The following PFKFB1 variants were observed in gnomAD, a reference collection of about 807,000 sequenced individuals.
PFKFB1 encodes 6-phosphofructo-2-kinase/fructose-2,6-bisphosphatase 1.
In PFKFB1, 34 loss-of-function variants were observed where a neutral mutation model predicts 46.4. The observed-to-expected ratio is 0.73, with a 90% confidence interval of 0.56 to 0.98. The LOEUF (loss-of-function observed/expected upper bound fraction) is 0.98. Among genes scored for constraint, PFKFB1 ranks in the 50% least tolerant of loss-of-function variants. The pLI, the probability that PFKFB1 is intolerant of heterozygous loss-of-function variation, is 0.00. For missense variants in PFKFB1, 393 were observed against 376.3 expected (o/e 1.04, Z -0.37); for synonymous variants, 119 against 133.8 (o/e 0.89, Z 0.76).
chrX:54,938,934 C>T (rs1410580663), intron 10 of PFKFB1, among the ~76,000 whole-genome samples: 8 of 111,833 alleles, frequency 7.2e-5, no homozygotes, highest in Non-Finnish European at 1.3e-4. Context: ...CAATAGAATA[C>T]ACATTCTTCT....
Position 54,958,377 on chromosome X carries a change from G to C in PFKFB1, c.460-15C>G. ...ATGAAAAACACCTATAAAAGAAACA[G>C]AAAAGAGATTTCCAGCAGGAAATTA... is the stretch of plus-strand genomic sequence containing the variant. On this transcript the variant is annotated splice_polypyrimidine_tract_variant and intron_variant, in intron 5 of 13. Coordinates refer to ENST00000375006, the MANE Select transcript of PFKFB1 (RefSeq NM_002625.4). The C allele has an allele frequency of 2.7e-6, 3 of 1,094,010 alleles. No individual in the cohort carries two copies. Among genetic ancestry groups the C allele is most frequent in the Non-Finnish European group, 3.8e-6 (3 of 791,233 alleles). 90.2% of individuals were successfully genotyped at this position (1,094,010 alleles called of 1,213,427 possible).
chrX:54,937,660 A>G lies in PFKFB1; in HGVS notation c.1163T>C (p.Val388Ala). 14 of 1,207,040 alleles carry G rather than the reference A, an allele frequency of 1.2e-5. No individual in the cohort carries two copies. Among genetic ancestry groups the G allele is most frequent in the South Asian group, 1.8e-5 (1 of 56,801 alleles). ...VIMELERQEN[V>A]LVICHQAVMR... ...GACAGCCTGGTGGCAGATCACCAGT[A>G]CATTCTCCTGTCGTTCTAGCTCCAT... Residue 388 changes from valine to alanine, a missense_variant, in exon 11 of 14, where the codon GTA (valine) becomes GCA (alanine). By Grantham distance (64) the Val-to-Ala change is moderately conservative. Coordinates refer to ENST00000375006, the MANE Select transcript of PFKFB1 (RefSeq NM_002625.4).
At chrX:54,975,673 C>A (rs947767211) in intron 1 of PFKFB1, among the ~76,000 whole-genome samples, 7 of 111,172 alleles carry the variant, frequency 6.3e-5, no homozygotes, top group Non-Finnish European at 1.3e-4. Context: ...CTGAACTTTA[C>A]TACATGATTT....
chrX:54,972,098 C>A (rs1461581061), intron 1 of PFKFB1, among the ~76,000 whole-genome samples: 3 of 110,555 alleles, frequency 2.7e-5, no homozygotes, highest in African/African-American at 9.8e-5. Flanking sequence ...CTCTTTGAAG[C>A]AATTGTGAAT....
intron 1 of PFKFB1, among the ~76,000 whole-genome samples, chrX:54,987,853 A>G (rs1308311060): frequency 9.0e-6 from 1 of 111,362 alleles, no homozygotes; most frequent in African/African-American, 3.2e-5. Flanking sequence ...ACACCAATGA[A>G]AAACCCACAG....
chrX:54,950,740 C>A (rs1933945950), intron 8 of PFKFB1, among the ~76,000 whole-genome samples: 1 of 112,196 alleles, frequency 8.9e-6, no homozygotes, highest in Non-Finnish European at 1.9e-5. Flanking sequence ...ATGAGGGAGT[C>A]ACAGGTCAGC....
intron 10 of PFKFB1, among the ~76,000 whole-genome samples, chrX:54,944,760 T>C (rs184689240): frequency 1.8e-5 from 2 of 112,407 alleles, no homozygotes; most frequent in Admixed American, 1.9e-4. Context: ...CAAATTAAGA[T>C]GAATTTTATA....
intron 1 of PFKFB1, among the ~76,000 whole-genome samples, chrX:54,971,206 T>G (rs1401466259): frequency 1.5e-5 from 1 of 64,550 alleles, no homozygotes; most frequent in Non-Finnish European, 2.9e-5. Flanking sequence ...CTTGTCGATT[T>G]GTTTGAGTTC....
chrX:54,979,228 T>C (rs927947543), intron 1 of PFKFB1, among the ~76,000 whole-genome samples: 1 of 111,695 alleles, frequency 9.0e-6, no homozygotes, highest in South Asian at 3.7e-4. Context: ...ACTTAGGTAG[T>C]AGCCATTCAC....
intron 1 of PFKFB1, among the ~76,000 whole-genome samples, chrX:54,974,279 G>A (rs769769706): frequency 2.0e-4 from 22 of 111,781 alleles, no homozygotes; most frequent in African/African-American, 5.5e-4. Flanking sequence ...AACAAAATTC[G>A]GAACCCAGAA....
At chrX:54,941,136 T>C (rs1361745072) in intron 10 of PFKFB1, among the ~76,000 whole-genome samples, 3 of 111,977 alleles carry the variant, frequency 2.7e-5, no homozygotes, top group Non-Finnish European at 5.6e-5. Flanking sequence ...AAACAAGCAA[T>C]GGGGAAAGGC....
chrX:54,941,436 AC>A (rs777095515), intron 10 of PFKFB1, among the ~76,000 whole-genome samples: 60 of 112,332 alleles, frequency 5.3e-4, no homozygotes, highest in African/African-American at 1.9e-3. Flanking sequence ...AAAAGAAACT[AC>A]CATCAGAGTG....
chrX:54,991,415 G>A (rs755111305), intron 1 of PFKFB1, among the ~76,000 whole-genome samples: 2 of 110,934 alleles, frequency 1.8e-5, no homozygotes, highest in African/African-American at 3.3e-5. Context: ...GTGATATACC[G>A]TGTTTAGGGA....
chrX:54,998,587 G>T, upstream of PFKFB1: 1 of 461,362 alleles, frequency 2.2e-6, no homozygotes, highest in Non-Finnish European at 3.7e-6. Flanking sequence ...GTGCTCTGTT[G>T]AAATATCAGC....
upstream of PFKFB1, among the ~76,000 whole-genome samples, chrX:54,995,404 A>AAGCCGT (rs1431898270): frequency 8.9e-6 from 1 of 111,960 alleles, no homozygotes; most frequent in Non-Finnish European, 1.9e-5. Flanking sequence ...ATACATTTGC[A>AAGCCGT]AGCCGTAGTC....
At chrX:54,996,601 TACCAATTCTGATCCCAGAAGCAGGAG>T (rs1294930946), upstream of PFKFB1, among the ~76,000 whole-genome samples, 3 of 112,001 alleles carry the variant, frequency 2.7e-5, no homozygotes, top group Non-Finnish European at 5.6e-5. Context: ...TCACTACTGT[TACCAATTCTGATCCCAGAAGCAGGAG>T]ACCAAAACAA....
At chrX:54,943,685 A>G (rs1334126066) in intron 10 of PFKFB1, among the ~76,000 whole-genome samples, 1 of 111,314 alleles carries the variant, frequency 9.0e-6, no homozygotes, top group Non-Finnish European at 1.9e-5. Context: ...TGGGAGGTAG[A>G]GCTTGCAGTG....
intron 7 of PFKFB1, among the ~76,000 whole-genome samples, chrX:54,952,903 G>C (rs761853905): frequency 9.1e-6 from 1 of 110,085 alleles, no homozygotes; most frequent in Admixed American, 9.8e-5. Context: ...GGGATACAGA[G>C]GTGGTCCACA....
At chrX:54,971,833 T>C (rs1294574994) in intron 1 of PFKFB1, among the ~76,000 whole-genome samples, 1 of 111,447 alleles carries the variant, frequency 9.0e-6, no homozygotes, top group African/African-American at 3.3e-5. Flanking sequence ...TCTTTTTTGG[T>C]TCCATATGAA....
Sources: allele counts gnomAD v4.1 joint callset (sites outside exome capture counted in the v4.1 genomes callset), GRCh38; gene constraint gnomAD v4.1.1; transcripts MANE v1.5; gene names NCBI Gene and HGNC (gene_info 2026-07-23, HGNC 2026-07-21).